Variants in RPS6KA2 observed in about 807,000 individuals in gnomAD.
RPS6KA2 encodes ribosomal protein S6 kinase alpha-2.
Under a neutral mutation model 91.8 loss-of-function variants are expected in RPS6KA2, and 42 were observed. The observed-to-expected ratio is 0.46, with a 90% CI of 0.36 to 0.59. RPS6KA2 has a LOEUF of 0.59. Ranked by LOEUF, RPS6KA2 falls within the 20% of genes least tolerant of loss-of-function variation. The pLI, the probability that RPS6KA2 is intolerant of heterozygous loss-of-function variation, is 0.00. For synonymous variants in RPS6KA2, 414 were observed against 393.6 expected, an observed-to-expected ratio of 1.05 and a Z score of -0.61; for missense variants, 798 against 978.5, an observed-to-expected ratio of 0.82 and a Z score of 2.46.
intron 10 of RPS6KA2, among the ~76,000 whole-genome samples, chr6:166,471,773 G>A (rs891274860): frequency 2.0e-5 from 3 of 152,062 alleles, no homozygotes; most frequent in Non-Finnish European, 4.4e-5. Flanking sequence ...GGAGGCACAT[G>A]TCTGAAAAGC....
At chr6:166,804,286 A>G (rs1779438472) in intron 2 of RPS6KA2, among the ~76,000 whole-genome samples, 1 of 151,866 alleles carries the variant, frequency 6.6e-6, no homozygotes, top group African/African-American at 2.4e-5. Context: ...TAGGCATTAT[A>G]TAGAGCATTA....
chr6:166,431,521 G>A (rs1389587676), intron 15 of RPS6KA2, among the ~76,000 whole-genome samples: 1 of 152,230 alleles, frequency 6.6e-6, no homozygotes, highest in Non-Finnish European at 1.5e-5. Context: ...TCAGAGCCGT[G>A]CTGTTGCTTC....
At chr6:166,642,902 TG>T (rs1182312317) in intron 2 of RPS6KA2, among the ~76,000 whole-genome samples, 1 of 152,184 alleles carries the variant, frequency 6.6e-6, no homozygotes, top group East Asian at 1.9e-4. Flanking sequence ...TGAGCAACCT[TG>T]GGAAATGAGG....
chr6:166,505,490 C>T (rs1175704247), intron 5 of RPS6KA2, among the ~76,000 whole-genome samples: 19 of 152,212 alleles, frequency 1.2e-4, no homozygotes, highest in Non-Finnish European at 1.8e-4. Context: ...TTTCTATATT[C>T]GTCAGGAGAA....
chr6:166,553,243 C>T (rs922269719), intron 1 of RPS6KA2, among the ~76,000 whole-genome samples: 2 of 152,272 alleles, frequency 1.3e-5, no homozygotes, highest in African/African-American at 2.4e-5. Context: ...CACAGCCTCC[C>T]GAGTAGCTGG....
At chr6:166,640,342 CTATAG>C (rs1425704929) in intron 2 of RPS6KA2, among the ~76,000 whole-genome samples, 2 of 152,148 alleles carry the variant, frequency 1.3e-5, no homozygotes, top group Admixed American at 6.5e-5. Context: ...TCATAAACAC[CTATAG>C]TATTTCAGGC....
intron 12 of RPS6KA2, among the ~76,000 whole-genome samples, chr6:166,457,309 C>T (rs1398721301): frequency 1.3e-5 from 2 of 152,186 alleles, no homozygotes; most frequent in Non-Finnish European, 2.9e-5. Context: ...AGGAGGGAAT[C>T]CCCAAATCCT....
At chr6:166,543,270 C>T (rs982683740) in intron 1 of RPS6KA2, among the ~76,000 whole-genome samples, 2 of 152,210 alleles carry the variant, frequency 1.3e-5, no homozygotes, top group African/African-American at 2.4e-5. Flanking sequence ...GGAACAGTAT[C>T]GTGTCCTGGA....
chr6:166,527,329 T>C (rs1027507188), intron 3 of RPS6KA2, among the ~76,000 whole-genome samples: 1 of 152,144 alleles, frequency 6.6e-6, no homozygotes, highest in African/African-American at 2.4e-5. Flanking sequence ...TCCGGGTCAC[T>C]CCTGGTGCCC....
intron 10 of RPS6KA2, among the ~76,000 whole-genome samples, chr6:166,487,700 A>C (rs1448820529): frequency 6.6e-6 from 1 of 152,248 alleles, no homozygotes. Flanking sequence ...AATTAGGTGA[A>C]TACAACTATG....
intron 2 of RPS6KA2, among the ~76,000 whole-genome samples, chr6:166,652,021 A>G (rs1787869497): frequency 1.3e-5 from 2 of 152,254 alleles, no homozygotes; most frequent in Admixed American, 1.3e-4. Flanking sequence ...TACTTCTGCT[A>G]GTAGACTTTC....
intron 1 of RPS6KA2, among the ~76,000 whole-genome samples, chr6:166,614,939 T>A (rs1786349309): frequency 6.6e-6 from 1 of 152,112 alleles, no homozygotes; most frequent in East Asian, 1.9e-4. Context: ...TTTTGCCACA[T>A]ATGGGAACAG....
intron 2 of RPS6KA2, among the ~76,000 whole-genome samples, chr6:166,761,467 C>T (rs1414558500): frequency 1.3e-5 from 2 of 152,244 alleles, no homozygotes. Context: ...GCAGCTATTA[C>T]TGTGTATTGG....
At chr6:166,702,185 C>G (rs1418895895) in intron 2 of RPS6KA2, 1 of 1,604,142 alleles carries the variant, frequency 6.2e-7, no homozygotes, top group Admixed American at 1.7e-5. Flanking sequence ...AATGGTGGCA[C>G]CTTCTTTTCC....
At position 166,459,424 on chromosome 6, in the gene RPS6KA2, T is replaced by C. The variant is rs143139215; in HGVS notation, c.1075+25A>G. On this transcript the variant is annotated intron_variant, in intron 12 of 20. Coordinates refer to ENST00000265678, the MANE Select transcript of RPS6KA2 (RefSeq NM_021135.6). The surrounding 1 kb of genome is among the most constrained non-coding windows in gnomAD (Gnocchi z 4.9). ...GGGGTCAGGTGGGAGAAGCCACCGA[T>C]AGAGGGAACCACTGTGGCACACACC... 2.8e-5 allele frequency: 43 copies of C among 1,532,632 alleles called. No individual in the cohort carries two copies. The highest frequency in any genetic ancestry group is 3.7e-5 in the Non-Finnish European group (41 of 1,107,414). 94.9% of individuals were successfully genotyped at this position (1,532,632 alleles called of 1,614,324 possible).
chr6:166,699,256 G>T (rs1789440682), intron 2 of RPS6KA2, among the ~76,000 whole-genome samples: 1 of 152,162 alleles, frequency 6.6e-6, no homozygotes, highest in African/African-American at 2.4e-5. Context: ...CAAAGAGAGA[G>T]CAAATTGCTT....
intron 2 of RPS6KA2, among the ~76,000 whole-genome samples, chr6:166,781,176 A>G (rs999934098): frequency 1.3e-5 from 2 of 152,234 alleles, no homozygotes; most frequent in Non-Finnish European, 1.5e-5. Context: ...AGAAAGACCA[A>G]TCAACACATC....
At chr6:166,833,776 T>G (rs1317456506) in intron 2 of RPS6KA2, among the ~76,000 whole-genome samples, 1 of 152,264 alleles carries the variant, frequency 6.6e-6, no homozygotes, top group East Asian at 1.9e-4. Context: ...GTTTATCATT[T>G]GAGCAGGTTC....
chr6:166,590,134 C>T (rs112715364), intron 1 of RPS6KA2, among the ~76,000 whole-genome samples: 3 of 152,294 alleles, frequency 2.0e-5, no homozygotes, highest in African/African-American at 4.8e-5. Flanking sequence ...CAAGCATCAT[C>T]GGGATGATAA....
Sources: allele counts gnomAD v4.1 joint callset (sites outside exome capture counted in the v4.1 genomes callset), GRCh38; gene constraint gnomAD v4.1.1; non-coding constraint Gnocchi (gnomAD v3.1); transcripts MANE v1.5; gene names NCBI Gene and HGNC (gene_info 2026-07-23, HGNC 2026-07-21).